Variants in KHDRBS2 observed in about 807,000 individuals in gnomAD.
The protein encoded by KHDRBS2 is KH RNA binding domain containing, signal transduction associated 2, also known as KH domain-containing, RNA-binding, signal transduction-associated protein 2.
KHDRBS2 carries 26 observed loss-of-function variants against 44.3 expected under a neutral mutation model. That is an observed-to-expected ratio of 0.59 (90% CI 0.43 to 0.81). The LOEUF is 0.81. KHDRBS2 is among the 40% of genes least tolerant of loss of function. The pLI is 0.00. For missense variants in KHDRBS2, 476 were observed against 433.1 expected, an observed-to-expected ratio of 1.10 and a Z score of -0.88; for synonymous variants, 194 against 151.1, an observed-to-expected ratio of 1.28 and a Z score of -2.08.
At chr6:61,600,451 C>A in the KHDRBS2 span, among the ~76,000 whole-genome samples, 1 of 152,148 alleles carries the variant, frequency 6.6e-6, no homozygotes, top group Non-Finnish European at 1.5e-5. Flanking sequence ...CCCCTGCCAG[C>A]CAGAGAACAA....
chr6:61,928,847 A>C (rs1809467182), intron 4 of KHDRBS2, among the ~76,000 whole-genome samples: 1 of 152,142 alleles, frequency 6.6e-6, no homozygotes, highest in Non-Finnish European at 1.5e-5. Context: ...ATGATGCTTT[A>C]GAAACATATT....
intron 1 of KHDRBS2, among the ~76,000 whole-genome samples, chr6:62,185,618 T>G (rs187564329): frequency 6.3e-4 from 96 of 152,146 alleles, no homozygotes; most frequent in African/African-American, 2.1e-3. Flanking sequence ...AATAGAGACA[T>G]TAACTGCTAG....
intron 7 of KHDRBS2, among the ~76,000 whole-genome samples, chr6:61,722,165 G>T (rs962409418): frequency 6.6e-6 from 1 of 152,224 alleles, no homozygotes; most frequent in African/African-American, 2.4e-5. Context: ...TTGATGTGCT[G>T]CTGGATTCGG....
chr6:61,883,100 G>A (rs1800435499), intron 6 of KHDRBS2, among the ~76,000 whole-genome samples: 1 of 151,922 alleles, frequency 6.6e-6, no homozygotes, highest in Non-Finnish European at 1.5e-5. Context: ...AGCTTTTTAG[G>A]AATATACCCA....
chr6:61,934,263 C>T (rs562489367), intron 4 of KHDRBS2, among the ~76,000 whole-genome samples: 1 of 152,160 alleles, frequency 6.6e-6, no homozygotes, highest in Admixed American at 6.5e-5. Flanking sequence ...TGTCTCTTTA[C>T]TCTGTTGTTT....
chr6:61,866,986 T>A (rs1429834740), intron 6 of KHDRBS2, among the ~76,000 whole-genome samples: 1 of 152,164 alleles, frequency 6.6e-6, no homozygotes, highest in Non-Finnish European at 1.5e-5. Context: ...TCCCACATTT[T>A]CCTATCTTCT....
chr6:62,098,483 T>C (rs1801150513), intron 2 of KHDRBS2, among the ~76,000 whole-genome samples: 1 of 138,590 alleles, frequency 7.2e-6, no homozygotes, highest in East Asian at 2.1e-4. Flanking sequence ...CCTCCTGGCC[T>C]GTAAGATTTC....
At chr6:61,741,342 G>A (rs1300517411) in intron 6 of KHDRBS2, among the ~76,000 whole-genome samples, 3 of 151,870 alleles carry the variant, frequency 2.0e-5, no homozygotes, top group Non-Finnish European at 2.9e-5. Flanking sequence ...TTTGAAGGTT[G>A]CTTGCAACTC....
At chr6:61,775,988 A>G (rs894128086) in intron 6 of KHDRBS2, among the ~76,000 whole-genome samples, 7 of 152,204 alleles carry the variant, frequency 4.6e-5, no homozygotes, top group East Asian at 1.9e-4. Context: ...ATAATGCTGC[A>G]TATCTACAAC....
intron 6 of KHDRBS2, among the ~76,000 whole-genome samples, chr6:61,795,302 T>C (rs1305489116): frequency 6.6e-6 from 1 of 152,124 alleles, no homozygotes; most frequent in African/African-American, 2.4e-5. Context: ...GAGAATGAAT[T>C]ATTGTGTATG....
At chr6:62,046,801 T>C (rs1051557836) in intron 3 of KHDRBS2, among the ~76,000 whole-genome samples, 1 of 151,800 alleles carries the variant, frequency 6.6e-6, no homozygotes, top group Non-Finnish European at 1.5e-5. Context: ...GTTGCTGAAA[T>C]TGTACACAGT....
At chr6:61,915,732 A>C (rs1234584291) in intron 4 of KHDRBS2, among the ~76,000 whole-genome samples, 1 of 152,072 alleles carries the variant, frequency 6.6e-6, no homozygotes, top group African/African-American at 2.4e-5. Flanking sequence ...GAGGAGAAAG[A>C]TAATGTTACA....
At chr6:61,631,283 C>A in the KHDRBS2 span, among the ~76,000 whole-genome samples, 1 of 106,814 alleles carries the variant, frequency 9.4e-6, no homozygotes, top group Non-Finnish European at 1.7e-5. Context: ...TATATCTTTA[C>A]AGGGGACACA....
intron 4 of KHDRBS2, among the ~76,000 whole-genome samples, chr6:61,947,964 G>A (rs1763944108): frequency 1.4e-5 from 2 of 146,500 alleles, no homozygotes; most frequent in Non-Finnish European, 1.5e-5. Flanking sequence ...ACAGAGGAAT[G>A]ACAAATCATG....
the KHDRBS2 span, among the ~76,000 whole-genome samples, chr6:61,568,496 C>A: frequency 1.3e-5 from 2 of 152,080 alleles, no homozygotes; most frequent in African/African-American, 4.8e-5. Flanking sequence ...GTCCAAGAAC[C>A]ACAGTAGGAA....
chr6:62,130,490 A>G (rs914682186), intron 2 of KHDRBS2, among the ~76,000 whole-genome samples: 2 of 152,184 alleles, frequency 1.3e-5, no homozygotes, highest in African/African-American at 4.8e-5. Flanking sequence ...ATTGTTATGA[A>G]GATAACTAAT....
At chr6:61,779,662 G>A (rs1192270994) in intron 6 of KHDRBS2, among the ~76,000 whole-genome samples, 1 of 86,590 alleles carries the variant, frequency 1.2e-5, no homozygotes, top group Admixed American at 1.0e-4. Flanking sequence ...TGGCACTGCA[G>A]AAATGACGTG....
chr6:61,970,739 C>T (rs768558390), intron 4 of KHDRBS2, among the ~76,000 whole-genome samples: 3 of 152,100 alleles, frequency 2.0e-5, no homozygotes, highest in Admixed American at 6.6e-5. Flanking sequence ...ACCAGTGTTA[C>T]GCCTCTCTTG....
the KHDRBS2 span, among the ~76,000 whole-genome samples, chr6:61,643,852 A>G: frequency 1.3e-5 from 2 of 152,218 alleles, no homozygotes; most frequent in Non-Finnish European, 2.9e-5. Flanking sequence ...GATAGGAAGA[A>G]TCAATATCAT....
Sources: allele counts gnomAD v4.1 joint callset (sites outside exome capture counted in the v4.1 genomes callset), GRCh38; gene constraint gnomAD v4.1.1; transcripts MANE v1.5; gene names NCBI Gene and HGNC (gene_info 2026-07-23, HGNC 2026-07-21).